Variants in EVA1C observed in about 807,000 individuals in gnomAD.
The protein encoded by EVA1C is eva-1 homolog C, also known as protein eva-1 homolog C.
In EVA1C, 25 loss-of-function variants were observed where a neutral mutation model predicts 45.4. That is an observed-to-expected ratio of 0.55 (90% CI 0.40 to 0.77). EVA1C has a LOEUF of 0.77. EVA1C is among the 30% of genes least tolerant of loss of function. The pLI is 0.00. For missense variants in EVA1C, 479 were observed against 554.8 expected (o/e 0.86, Z 1.37); for synonymous variants, 190 against 221.2 (o/e 0.86, Z 1.25).
At chr21:32,494,636 A>G (rs1299584815) in intron 4 of EVA1C, among the ~76,000 whole-genome samples, 2 of 152,174 alleles carry the variant, frequency 1.3e-5, no homozygotes, top group African/African-American at 4.8e-5. Flanking sequence ...TACAAAAATT[A>G]GCTGGGCATA....
chr21:32,508,642 T>C (rs1173098685), intron 7 of EVA1C, among the ~76,000 whole-genome samples: 1 of 152,232 alleles, frequency 6.6e-6, no homozygotes, highest in East Asian at 1.9e-4. Flanking sequence ...CTAAGTGCTG[T>C]CAGACCAGCA....
At chr21:32,471,746 A>G (rs1453241620) in intron 4 of EVA1C, among the ~76,000 whole-genome samples, 1 of 151,524 alleles carries the variant, frequency 6.6e-6, no homozygotes, top group Non-Finnish European at 1.5e-5. Flanking sequence ...CTCCTGCCTC[A>G]GCCTCCCGAG....
At chr21:32,420,848 T>C (rs1179055172) in intron 1 of EVA1C, among the ~76,000 whole-genome samples, 1 of 152,228 alleles carries the variant, frequency 6.6e-6, no homozygotes, top group African/African-American at 2.4e-5. Flanking sequence ...TTAGTAACTT[T>C]TGGGGATTTG....
intron 2 of EVA1C, among the ~76,000 whole-genome samples, chr21:32,457,169 A>G (rs548271526): frequency 7.9e-5 from 12 of 152,294 alleles, no homozygotes; most frequent in African/African-American, 2.4e-4. Context: ...TAAGGATGAA[A>G]GGCCAGGACT....
At chr21:32,491,471 C>G (rs1327128983) in intron 4 of EVA1C, among the ~76,000 whole-genome samples, 1 of 151,544 alleles carries the variant, frequency 6.6e-6, no homozygotes, top group Non-Finnish European at 1.5e-5. Context: ...GGTGGATCAC[C>G]GGGGGTCAGG....
intron 4 of EVA1C, among the ~76,000 whole-genome samples, chr21:32,484,772 G>A (rs1490786100): frequency 1.3e-5 from 2 of 152,064 alleles, no homozygotes; most frequent in African/African-American, 4.8e-5. Context: ...CTAAGACCCA[G>A]TGAGCTCCCT....
intron 1 of EVA1C, among the ~76,000 whole-genome samples, chr21:32,445,240 A>C (rs2035322381): frequency 1.3e-5 from 2 of 152,356 alleles, no homozygotes; most frequent in South Asian, 4.1e-4. Context: ...TAACGTAAAC[A>C]ATAGTGCAGA....
At chr21:32,494,655 C>A (rs532483901) in intron 4 of EVA1C, among the ~76,000 whole-genome samples, 110 of 152,114 alleles carry the variant, frequency 7.2e-4, no homozygotes, top group Non-Finnish European at 1.3e-3. Flanking sequence ...TAGTGGCATG[C>A]GCCTGTAGTC....
At chr21:32,477,732 GCCCTC>G (rs1300530418) in intron 4 of EVA1C, among the ~76,000 whole-genome samples, 23 of 7,792 alleles carry the variant, frequency 3.0e-3, no homozygotes, top group South Asian at 0.027. Context: ...TCCCCCGTAC[GCCCTC>G]CCCTCCCCTC....
chr21:32,457,608 C>T lies in EVA1C; in HGVS notation c.369C>T (p.Asp123=), dbSNP rs374242700. 9.9e-6 allele frequency: 16 copies of T among 1,614,054 alleles called. No homozygotes were observed. The highest frequency in any genetic ancestry group is 4.5e-5 in the East Asian group (2 of 44,888). ...CCCTCTCCTTCTAGAAGGTGCTGGA[C>T]GAATGCCAGAACCAGCGGGCCTGCC... ...VAATTFQKVL[D]ECQNQRACHL... Residue 123 remains aspartate, a synonymous_variant, in exon 3 of 8, where the codon GAC becomes GAT. Transcript: ENST00000300255.
intron 4 of EVA1C, among the ~76,000 whole-genome samples, chr21:32,469,890 A>G (rs1014923101): frequency 1.3e-5 from 2 of 152,104 alleles, no homozygotes; most frequent in African/African-American, 2.4e-5. Context: ...AACATCAGTC[A>G]CATCTTAACA....
At chr21:32,481,791 C>A (rs1387216313) in intron 4 of EVA1C, among the ~76,000 whole-genome samples, 1 of 152,158 alleles carries the variant, frequency 6.6e-6, no homozygotes, top group East Asian at 1.9e-4. Flanking sequence ...GAATAAAACA[C>A]CTTTTTTCAA....
chr21:32,455,414 C>T (rs919559776), intron 2 of EVA1C, among the ~76,000 whole-genome samples: 17 of 152,152 alleles, frequency 1.1e-4, no homozygotes, highest in Admixed American at 1.1e-3. Context: ...AACACTGTTA[C>T]TGTTAAAGCA....
chr21:32,501,966 CCT>C (rs373136384), intron 6 of EVA1C, among the ~76,000 whole-genome samples: 3 of 149,116 alleles, frequency 2.0e-5, no homozygotes, highest in Middle Eastern at 3.4e-3. Context: ...TCTCTCCCTC[CCT>C]CTCTCTCTCT....
At chr21:32,469,007 C>T (rs1433220768) in intron 4 of EVA1C, among the ~76,000 whole-genome samples, 5 of 152,184 alleles carry the variant, frequency 3.3e-5, no homozygotes, top group South Asian at 2.1e-4. Flanking sequence ...AGGGAGGAAC[C>T]GCCACACCAT....
chr21:32,485,184 T>C (rs2036931494), intron 4 of EVA1C, among the ~76,000 whole-genome samples: 1 of 152,134 alleles, frequency 6.6e-6, no homozygotes, highest in Non-Finnish European at 1.5e-5. Flanking sequence ...CTGATGTTGA[T>C]CACTCTCTTT....
intron 1 of EVA1C, among the ~76,000 whole-genome samples, chr21:32,437,086 G>C (rs1425779962): frequency 6.6e-6 from 1 of 152,224 alleles, no homozygotes; most frequent in Non-Finnish European, 1.5e-5. Flanking sequence ...CTTGAGCCTG[G>C]GAGGTGGAGG....
Position 32,478,061 on chromosome 21 carries a change from C to T in EVA1C, c.634+10213C>T, listed in dbSNP as rs1337771573. Among the ~76,000 whole-genome samples the T allele has an allele frequency of 6.1e-5, 9 of 148,486 alleles. No homozygotes were observed. In the South Asian group the frequency reaches 6.8e-4, roughly 11 times the overall value. ...GGTGGGAGGAGGCTGCACAAACGCA[C>T]GAATTCCAAGAGATGAGCCTCACTG... On this transcript the variant is annotated intron_variant, in intron 4 of 7. Transcript: ENST00000300255.
At chr21:32,469,871 A>G (rs1411651349) in intron 4 of EVA1C, among the ~76,000 whole-genome samples, 1 of 152,146 alleles carries the variant, frequency 6.6e-6, no homozygotes, top group East Asian at 1.9e-4. Flanking sequence ...CTCAAAGTCT[A>G]CTGCTTTCAA....
Sources: gnomAD v4.1 joint callset for allele counts (sites outside exome capture counted in the v4.1 genomes callset) on GRCh38, gnomAD v4.1.1 for gene constraint, MANE v1.5 for transcripts, NCBI Gene and HGNC (gene_info 2026-07-23, HGNC 2026-07-21) for gene names.